Variants in ROBO1 observed in about 807,000 individuals in gnomAD.
ROBO1 encodes roundabout homolog 1.
In ROBO1, 149 loss-of-function variants were observed where a neutral mutation model predicts 195.9. The ratio of observed to expected loss-of-function variants is 0.76; its 90% CI spans 0.67 to 0.87. The LOEUF (loss-of-function observed/expected upper bound fraction) is 0.87, where lower values mean the gene tolerates loss of function less well. ROBO1 is among the 40% of genes least tolerant of loss of function. The pLI is 0.00. For missense variants in ROBO1, 1,933 were observed against 2,068.3 expected (o/e 0.93, Z 1.27); for synonymous variants, 816 against 733.2 (o/e 1.11, Z -1.82).
At chr3:79,214,610 A>G (rs1474764956) in intron 2 of ROBO1, among the ~76,000 whole-genome samples, 1 of 152,016 alleles carries the variant, frequency 6.6e-6, no homozygotes, top group Non-Finnish European at 1.5e-5. Flanking sequence ...GGGAAAAGAA[A>G]AAACAAAAAA....
chr3:79,548,743 A>T (rs887479240), intron 2 of ROBO1, among the ~76,000 whole-genome samples: 2 of 152,206 alleles, frequency 1.3e-5, no homozygotes, highest in Non-Finnish European at 2.9e-5. Context: ...CATCCAATGT[A>T]GTTGCTCCTG....
chr3:79,760,186 G>A (rs370318238), intron 1 of ROBO1, among the ~76,000 whole-genome samples: 5 of 126,860 alleles, frequency 3.9e-5, no homozygotes, highest in Non-Finnish European at 7.8e-5. Flanking sequence ...GCAGTGAGCC[G>A]AGATCGCGCC....
chr3:79,215,958 T>C (rs956069803), intron 2 of ROBO1, among the ~76,000 whole-genome samples: 13 of 152,002 alleles, frequency 8.6e-5, no homozygotes, highest in Admixed American at 7.9e-4. Context: ...GAAAATAAAA[T>C]ACACACTAAT....
intron 4 of ROBO1, among the ~76,000 whole-genome samples, chr3:78,869,370 C>A (rs148275375): frequency 6.6e-6 from 1 of 152,088 alleles, no homozygotes; most frequent in Non-Finnish European, 1.5e-5. Flanking sequence ...TTTAAACAAA[C>A]GTTGATCTTT....
chr3:78,706,516 A>AT (rs112792646), intron 8 of ROBO1, among the ~76,000 whole-genome samples: 5,000 of 151,494 alleles, frequency 0.033, 134 homozygotes, highest in African/African-American at 0.074. Context: ...ATTTAAAACA[A>AT]TTTTTTTTTA....
intron 2 of ROBO1, among the ~76,000 whole-genome samples, chr3:79,197,502 T>C (rs561901726): frequency 1.3e-5 from 2 of 152,154 alleles, no homozygotes; most frequent in African/African-American, 4.8e-5. Flanking sequence ...TAAACATACG[T>C]GTGCATGTGT....
At chr3:79,044,947 A>C (rs1369941358) in intron 3 of ROBO1, among the ~76,000 whole-genome samples, 1 of 152,102 alleles carries the variant, frequency 6.6e-6, no homozygotes, top group Non-Finnish European at 1.5e-5. Flanking sequence ...TGTATTAAAT[A>C]ATAAATGAAA....
intron 2 of ROBO1, among the ~76,000 whole-genome samples, chr3:79,487,837 T>A (rs563895152): frequency 1.3e-5 from 2 of 152,316 alleles, no homozygotes; most frequent in South Asian, 4.1e-4. Flanking sequence ...AGTGGAGGAC[T>A]TTTATTAATG....
intron 3 of ROBO1, among the ~76,000 whole-genome samples, chr3:79,087,456 A>C (rs79979410): frequency 0.014 from 2,079 of 152,150 alleles, 47 homozygotes; most frequent in African/African-American, 0.046. Flanking sequence ...TCTTTCTCTC[A>C]AATAAAGTGA....
intron 27 of ROBO1, among the ~76,000 whole-genome samples, chr3:78,615,088 A>T (rs1575778343): frequency 6.6e-6 from 1 of 152,198 alleles, no homozygotes; most frequent in South Asian, 2.1e-4. Context: ...AAAGTATTCC[A>T]ATTATTTTTG....
chr3:79,616,856 G>A (rs1944838153), intron 1 of ROBO1, among the ~76,000 whole-genome samples: 4 of 152,108 alleles, frequency 2.6e-5, no homozygotes, highest in Admixed American at 2.6e-4. Flanking sequence ...GAAGGGTTGT[G>A]CTCATGTCCC....
At chr3:78,611,453 T>A (rs996499973) in intron 28 of ROBO1, among the ~76,000 whole-genome samples, 4 of 152,242 alleles carry the variant, frequency 2.6e-5, no homozygotes, top group African/African-American at 9.6e-5. Context: ...AATATTCATA[T>A]ATCCTAATCC....
intron 2 of ROBO1, among the ~76,000 whole-genome samples, chr3:79,134,058 G>A (rs1198496748): frequency 6.7e-6 from 1 of 149,274 alleles, no homozygotes; most frequent in East Asian, 2.0e-4. Context: ...AAACTAAAGA[G>A]CTTCTGCACA....
intron 2 of ROBO1, among the ~76,000 whole-genome samples, chr3:79,580,373 C>T (rs775871367): frequency 2.0e-5 from 3 of 151,754 alleles, no homozygotes; most frequent in Non-Finnish European, 1.5e-5. Flanking sequence ...ATTCGGGAGG[C>T]GGAGGCAGGA....
chr3:78,962,379 G>T (rs2041396527), intron 3 of ROBO1, among the ~76,000 whole-genome samples: 1 of 152,010 alleles, frequency 6.6e-6, no homozygotes. Flanking sequence ...TTTTTTGGTG[G>T]AATTTTTAAA....
chr3:79,551,137 C>T (rs1041546322), intron 2 of ROBO1, among the ~76,000 whole-genome samples: 5 of 151,868 alleles, frequency 3.3e-5, no homozygotes, highest in African/African-American at 9.7e-5. Context: ...TTATTATAAA[C>T]TTACCCAGTC....
intron 1 of ROBO1, among the ~76,000 whole-genome samples, chr3:79,698,695 C>CT (rs1396951870): frequency 4.0e-5 from 6 of 151,416 alleles, no homozygotes; most frequent in Non-Finnish European, 8.9e-5. Context: ...TTAAAGTATT[C>CT]CTAAAGGGAA....
chr3:79,154,182 G>A (rs867594095), intron 2 of ROBO1, among the ~76,000 whole-genome samples: 5 of 151,682 alleles, frequency 3.3e-5, no homozygotes, highest in African/African-American at 9.7e-5. Flanking sequence ...CATTTGTTGA[G>A]TGAATACTGC....
chr3:79,139,929 T>C (rs1422103756), intron 2 of ROBO1, among the ~76,000 whole-genome samples: 1 of 152,190 alleles, frequency 6.6e-6, no homozygotes, highest in Non-Finnish European at 1.5e-5. Flanking sequence ...CAGCTGCCCT[T>C]ATAGTATGAA....
Sources: allele counts gnomAD v4.1 joint callset (sites outside exome capture counted in the v4.1 genomes callset), GRCh38; gene constraint gnomAD v4.1.1; transcripts MANE v1.5; gene names NCBI Gene and HGNC (gene_info 2026-07-23, HGNC 2026-07-21).